The following PCDHGB3 variants were observed in gnomAD, a reference collection of about 807,000 sequenced individuals.
PCDHGB3 encodes protocadherin gamma-B3.
PCDHGB3 carries 40 observed loss-of-function variants against 59.2 expected under a neutral mutation model. The observed-to-expected ratio is 0.68, with a 90% CI of 0.52 to 0.88. The LOEUF is 0.88. Among genes scored for constraint, PCDHGB3 ranks in the 40% least tolerant of loss-of-function variants. The pLI is 0.00. For synonymous variants in PCDHGB3, 581 were observed against 503.6 expected (o/e 1.15, Z -2.06); for missense variants, 1,309 against 1,187.9 (o/e 1.10, Z -1.50).
At chr5:141,482,755 T>TGAAGTGGGAG (rs1554165462) in intron 1 of PCDHGB3, among the ~76,000 whole-genome samples, 1 of 143,580 alleles carries the variant, frequency 7.0e-6, no homozygotes, top group South Asian at 2.1e-4. Context: ...GGGATTATGG[T>TGAAGTGGGAG]ATTTCATTAT....
In PCDHGB3 at chr5:141,486,157, AG is replaced by A. The variant is rs1562110605; in HGVS notation, c.2416-8649del. 1 of 1,614,208 alleles carries A rather than the reference AG, an allele frequency of 6.2e-7. No homozygotes were observed. Among genetic ancestry groups the A allele is most frequent in the Admixed American group, 1.7e-5 (1 of 60,026 alleles). On this transcript the variant is annotated intron_variant, in intron 1 of 3. Coordinates refer to ENST00000576222, the MANE Select transcript of PCDHGB3 (RefSeq NM_018924.5). This position sits in a 1 kb window ranked among gnomAD's most constrained non-coding sequence, Gnocchi z 5.0. ...TGCGGGCTCGCGATGGGGGTTCTCC[AG>A]CCATGGAGCAACATTGCAGCCTTCG...
At chr5:141,505,767 AGGTCCTAGCTCT>A (rs2099848180) in intron 3 of PCDHGB3, among the ~76,000 whole-genome samples, 1 of 151,756 alleles carries the variant, frequency 6.6e-6, no homozygotes, top group Non-Finnish European at 1.5e-5. Context: ...AGTGTAGCTC[AGGTCCTAGCTCT>A]GCTACTATCC....
chr5:141,386,729 G>A (rs2090690425), intron 1 of PCDHGB3, among the ~76,000 whole-genome samples: 1 of 152,182 alleles, frequency 6.6e-6, no homozygotes, highest in South Asian at 2.1e-4. Context: ...CAATGTTACT[G>A]AGGGAAGATC....
intron 1 of PCDHGB3, among the ~76,000 whole-genome samples, chr5:141,435,698 A>G (rs954167256): frequency 1.3e-5 from 2 of 152,184 alleles, no homozygotes; most frequent in African/African-American, 4.8e-5. Context: ...CTTATTGTAG[A>G]GTGGTTACAG....
intron 1 of PCDHGB3, chr5:141,413,663 AT>A (rs1344545568): frequency 6.2e-7 from 1 of 1,613,844 alleles, no homozygotes; most frequent in African/African-American, 1.3e-5. Flanking sequence ...GAAGCTATTG[AT>A]CCGGATGTGG....
intron 1 of PCDHGB3, among the ~76,000 whole-genome samples, chr5:141,442,717 C>T (rs918238654): frequency 1.3e-5 from 2 of 152,166 alleles, no homozygotes; most frequent in African/African-American, 2.4e-5. Flanking sequence ...CATGCCAGAG[C>T]ATTTGGGGCC....
In PCDHGB3 at chr5:141,477,590, C is replaced by T. The variant is rs1465863595; in HGVS notation, c.2416-17217C>T. On this transcript the variant is annotated intron_variant, in intron 1 of 3. Coordinates refer to ENST00000576222, the MANE Select transcript of PCDHGB3 (RefSeq NM_018924.5). This position sits in a 1 kb window ranked among gnomAD's most constrained non-coding sequence, Gnocchi z 4.9. ...CCCCGACGCCCCGCAGAATGCTCGG[C>T]TTTCTTTCTTTCTCTTGGAGCAAGG... The T allele has an allele frequency of 1.2e-6, 2 of 1,614,122 alleles. No individual in the cohort carries two copies. Among genetic ancestry groups the T allele is most frequent in the South Asian group, 2.2e-5 (2 of 91,080 alleles).
intron 1 of PCDHGB3, chr5:141,426,340 C>A: frequency 5.3e-6 from 1 of 190,288 alleles, no homozygotes; most frequent in Non-Finnish European, 1.1e-5. Flanking sequence ...AGCACTCTTC[C>A]CTTTCCTGCT....
intron 1 of PCDHGB3, chr5:141,377,186 T>G (rs1773756873): frequency 6.6e-6 from 1 of 152,252 alleles, no homozygotes; most frequent in Non-Finnish European, 1.5e-5. Context: ...TGGCAAACTA[T>G]TTGTGTCTTG....
chr5:141,375,377 C>G, intron 1 of PCDHGB3: 1 of 1,613,940 alleles, frequency 6.2e-7, no homozygotes, highest in South Asian at 1.1e-5. Context: ...AACACCACCT[C>G]TGTCTACAGA....
rs1588712478 is a variant in PCDHGB3 at position 141,372,895 on chromosome 5, T to G, written c.2415+86T>G. On this transcript the variant is annotated intron_variant, in intron 1 of 3. Transcript: ENST00000576222. ...AGATAAAAAGAATACAGATTAAATA[T>G]TCCCTGATTACATTATTTTATTGAT... 5 of 1,115,450 alleles carry G rather than the reference T, an allele frequency of 4.5e-6. No individual in the cohort carries two copies. The East Asian group carries it at 1.3e-4, about 29-fold the overall frequency. The allele number at this position is 1,115,450 out of a possible 1,614,324, so 69.1% of individuals were successfully genotyped here.
intron 1 of PCDHGB3, among the ~76,000 whole-genome samples, chr5:141,458,351 T>A (rs903399511): frequency 2.0e-5 from 3 of 152,010 alleles, no homozygotes; most frequent in African/African-American, 7.3e-5. Flanking sequence ...GAGAGTTTAA[T>A]AAGCAAGAAG....
intron 2 of PCDHGB3, among the ~76,000 whole-genome samples, chr5:141,503,570 G>T (rs996006002): frequency 3.4e-4 from 50 of 147,216 alleles, no homozygotes; most frequent in African/African-American, 1.2e-3. Context: ...CTGTACTCCA[G>T]CCTGGGTGAC....
At chr5:141,395,170 AGAAAAATGATTCTT>A in intron 1 of PCDHGB3, 1 of 1,614,214 alleles carries the variant, frequency 6.2e-7, no homozygotes, top group Non-Finnish European at 8.5e-7. Flanking sequence ...GAGGGCTGTG[AGAAAAATGATTCTT>A]TGTTAACATC....
At chr5:141,423,750 T>TGGGG (rs144521096) in intron 1 of PCDHGB3, 28 of 288,222 alleles carry the variant, frequency 9.7e-5, no homozygotes, top group Non-Finnish European at 1.2e-4. Flanking sequence ...GAAAACTGTT[T>TGGGG]GGGGGGGGGG....
At position 141,413,701 on chromosome 5, in the gene PCDHGB3, C is replaced by T. The variant is rs764950275; in HGVS notation, c.2415+40892C>T. 1.1e-4 allele frequency: 177 copies of T among 1,613,654 alleles called. No individual in the cohort carries two copies. The Admixed American group carries it at 2.9e-3, about 27-fold the overall frequency. On this transcript the variant is annotated intron_variant, in intron 1 of 3. Coordinates refer to ENST00000576222, the MANE Select transcript of PCDHGB3 (RefSeq NM_018924.5). ...CGTGAACTCCCTGCAGAGCTATCAG[C>T]TCAGCCCCAATAAGCACTTCTCCCT...
intron 1 of PCDHGB3, chr5:141,413,082 A>C: frequency 3.7e-6 from 5 of 1,344,442 alleles, no homozygotes; most frequent in Non-Finnish European, 5.1e-6. Context: ...CCCAGGCTAC[A>C]GAGACACCCT....
Position 141,510,960 on chromosome 5 carries a change from G to T in PCDHGB3, c.2577G>T (p.Gly859=). The T allele has an allele frequency of 6.2e-7, 1 of 1,614,120 alleles. No individual in the cohort carries two copies. The highest frequency in any genetic ancestry group is 1.3e-5 in the African/African-American group (1 of 75,022). ...ILASASEAAD[G]SSTLGGGAGT... is the part of the protein sequence containing the mutation. ...CTGTCTCTGCAGAAGCTGCTGATGG[G>T]AGCTCCACCCTGGGAGGGGGTGCCG... Residue 859 remains glycine, a synonymous_variant, in exon 4 of 4, where the codon GGG becomes GGT. Transcript: ENST00000576222.
At chr5:141,495,123 T>C (rs2099759225) in intron 2 of PCDHGB3, among the ~76,000 whole-genome samples, 1 of 152,162 alleles carries the variant, frequency 6.6e-6, no homozygotes, top group African/African-American at 2.4e-5. Flanking sequence ...TCCTATCCCC[T>C]GAGGGCACTG....
Sources: gnomAD v4.1 joint callset for allele counts (sites outside exome capture counted in the v4.1 genomes callset) on GRCh38, gnomAD v4.1.1 for gene constraint, Gnocchi (gnomAD v3.1) non-coding constraint, MANE v1.5 for transcripts, NCBI Gene and HGNC (gene_info 2026-07-23, HGNC 2026-07-21) for gene names.